Variants in MRPL1 observed in about 807,000 individuals in gnomAD.
MRPL1 encodes the protein large ribosomal subunit protein uL1m.
In MRPL1, 28 loss-of-function variants were observed where a neutral mutation model predicts 38.0. The observed-to-expected ratio is 0.74, with a 90% CI of 0.55 to 1.01. The LOEUF is 1.01. Ranked by LOEUF, MRPL1 falls within the 50% of genes least tolerant of loss-of-function variation. The pLI is 0.00. For missense variants in MRPL1, 358 were observed against 389.8 expected (o/e 0.92, Z 0.69); for synonymous variants, 123 against 126.7 (o/e 0.97, Z 0.20).
chr4:77,907,669 A>T (rs1045048707), intron 6 of MRPL1, among the ~76,000 whole-genome samples: 1 of 151,644 alleles, frequency 6.6e-6, no homozygotes, highest in Non-Finnish European at 1.5e-5. Context: ...GGTTCAAGTG[A>T]TCCTCCTGCC....
chr4:77,891,908 A>G (rs1420594991), intron 5 of MRPL1, among the ~76,000 whole-genome samples: 3 of 152,198 alleles, frequency 2.0e-5, no homozygotes, highest in African/African-American at 7.2e-5. Flanking sequence ...CCATCTGTGT[A>G]AGGCATCATA....
At chr4:77,877,321 G>A (rs1735420642) in intron 2 of MRPL1, among the ~76,000 whole-genome samples, 1 of 152,144 alleles carries the variant, frequency 6.6e-6, no homozygotes, top group Non-Finnish European at 1.5e-5. Context: ...TCAGAGCATT[G>A]AGTCAATCTT....
chr4:77,942,256 T>G (rs148029182), intron 7 of MRPL1, among the ~76,000 whole-genome samples: 49 of 152,292 alleles, frequency 3.2e-4, no homozygotes, highest in African/African-American at 1.1e-3. Context: ...TTTCTTAAAT[T>G]TATTGAGACT....
Position 77,949,777 on chromosome 4 carries a change from T to C in MRPL1, c.778-20T>C, listed in dbSNP as rs914149566. On this transcript the variant is annotated intron_variant, in intron 7 of 8. Coordinates refer to ENST00000315567, the MANE Select transcript of MRPL1 (RefSeq NM_020236.4). The stretch of plus-strand genomic sequence containing the variant: ...TCTTGCTTTCTCATCATTAATGTTA[T>C]GTATATTATTTTCTTTCAGTTGGAT... The C allele has an allele frequency of 2.8e-6, 4 of 1,435,596 alleles. No homozygotes were observed. Among genetic ancestry groups the C allele is most frequent in the Non-Finnish European group, 3.9e-6 (4 of 1,022,570 alleles). The allele number at this position is 1,435,596 out of a possible 1,614,324, so 88.9% of individuals were successfully genotyped here. A position where few individuals can be genotyped will look rare whatever the true frequency, so the allele number is the denominator to read the frequency against.
chr4:77,929,042 C>T (rs1301906964), intron 7 of MRPL1, among the ~76,000 whole-genome samples: 2 of 152,156 alleles, frequency 1.3e-5, no homozygotes, highest in Admixed American at 6.5e-5. Flanking sequence ...ATAAATGTTG[C>T]ATAATGTGTA....
intron 6 of MRPL1, among the ~76,000 whole-genome samples, chr4:77,895,357 G>A (rs1735888427): frequency 6.6e-6 from 1 of 152,062 alleles, no homozygotes; most frequent in Admixed American, 6.5e-5. Context: ...TGGGAATGGA[G>A]AGGTTGAGGG....
chr4:77,909,452 A>T, intron 7 of MRPL1, 80 bp downstream of exon 7: 1 of 893,138 alleles, frequency 1.1e-6, no homozygotes, highest in Non-Finnish European at 1.7e-6. Flanking sequence ...ATATTATAAA[A>T]TGCCAGTCAT....
intron 7 of MRPL1, among the ~76,000 whole-genome samples, chr4:77,928,185 A>G (rs1390063384): frequency 6.6e-6 from 1 of 152,236 alleles, no homozygotes; most frequent in Non-Finnish European, 1.5e-5. Context: ...AGTTCAGGAC[A>G]AGGGACTATA....
chr4:77,907,450 T>C (rs983129709), intron 6 of MRPL1, among the ~76,000 whole-genome samples: 3 of 151,998 alleles, frequency 2.0e-5, no homozygotes, highest in Non-Finnish European at 4.4e-5. Context: ...CAGTTTTTAA[T>C]TATTTTCTCA....
chr4:77,903,093 A>C (rs1278000538), intron 6 of MRPL1, among the ~76,000 whole-genome samples: 1 of 152,216 alleles, frequency 6.6e-6, no homozygotes, highest in East Asian at 1.9e-4. Flanking sequence ...GACGCAAAAA[A>C]TACTGTTAAC....
chr4:77,871,982 A>G lies in MRPL1; in HGVS notation c.143+127A>G. The G allele has an allele frequency of 7.6e-6, 5 of 654,554 alleles. No individual in the cohort carries two copies. In the South Asian group the frequency reaches 9.4e-5, roughly 12 times the overall value. The allele number at this position is 654,554 out of a possible 1,614,324, so 40.5% of individuals were successfully genotyped here. A position where few individuals can be genotyped will look rare whatever the true frequency, so the allele number is the denominator to read the frequency against. Reference sequence around the variant, plus strand: ...AAAGTTTATTATTTCTGCTTCATCGACCTTATAGTCCTGAAGGAAAGATAA... The same window carrying G: ...AAAGTTTATTATTTCTGCTTCATCGGCCTTATAGTCCTGAAGGAAAGATAA... On this transcript the variant is annotated intron_variant, in intron 2 of 8. Coordinates refer to ENST00000315567, the MANE Select transcript of MRPL1 (RefSeq NM_020236.4).
chr4:77,889,726 G>C lies in MRPL1; in HGVS notation c.558+2435G>C, dbSNP rs201281443. On this transcript the variant is annotated intron_variant, in intron 5 of 8. Coordinates refer to ENST00000315567, the MANE Select transcript of MRPL1 (RefSeq NM_020236.4). ...TTTGAAGAGATCAACAAAATTGATAGATCGCTAACAAGACTAATACACAAG... is the reference window on the plus strand; with the variant it reads ...TTTGAAGAGATCAACAAAATTGATACATCGCTAACAAGACTAATACACAAG... Among the ~76,000 whole-genome samples the C allele has an allele frequency of 8.5e-5, 13 of 152,290 alleles. No individual in the cohort carries two copies. The East Asian group carries it at 1.9e-3, about 23-fold the overall frequency.
chr4:77,898,843 A>G lies in MRPL1; in HGVS notation c.670+4593A>G, dbSNP rs142906422. Among the ~76,000 whole-genome samples, 18 of 151,962 alleles carry G rather than the reference A, an allele frequency of 1.2e-4. No homozygotes were observed. The East Asian group carries it at 3.3e-3, about 28-fold the overall frequency. On this transcript the variant is annotated intron_variant, in intron 6 of 8. Transcript: ENST00000315567. Reference sequence around the variant, plus strand: ...TTTTTTTATCAGAATAATTGTATTTATAGTAGTTGAGTATCTACTATGTGC... The same window carrying G: ...TTTTTTTATCAGAATAATTGTATTTGTAGTAGTTGAGTATCTACTATGTGC...
intron 6 of MRPL1, among the ~76,000 whole-genome samples, chr4:77,904,717 A>G (rs1205227440): frequency 6.6e-6 from 1 of 152,226 alleles, no homozygotes; most frequent in Non-Finnish European, 1.5e-5. Context: ...AAATGGACCT[A>G]AACTTATATG....
chr4:77,938,692 G>A (rs1737047667), intron 7 of MRPL1, among the ~76,000 whole-genome samples: 1 of 152,162 alleles, frequency 6.6e-6, no homozygotes, highest in East Asian at 1.9e-4. Flanking sequence ...TGGCCCCACA[G>A]CCCTCAGTCT....
intron 7 of MRPL1, among the ~76,000 whole-genome samples, chr4:77,927,092 A>G (rs1736730739): frequency 6.6e-6 from 1 of 151,366 alleles, no homozygotes; most frequent in African/African-American, 2.4e-5. Flanking sequence ...TTGGTCATCT[A>G]CTTACATGTC....
At chr4:77,949,914 C>G in intron 8 of MRPL1, 36 bp downstream of exon 8, 1 of 1,258,912 alleles carries the variant, frequency 7.9e-7, no homozygotes, top group African/African-American at 1.5e-5. Flanking sequence ...TCCCTATGAC[C>G]CTGTGAAACT....
Position 77,883,297 on chromosome 4 carries a change from G to T in MRPL1, c.199G>T (p.Asp67Tyr). 6.3e-7 allele frequency: 1 copy of T among 1,599,992 alleles called. No homozygotes were observed. The highest frequency in any genetic ancestry group is 8.5e-7 in the Non-Finnish European group (1 of 1,175,728). ...AGAAAAAACACCAGATGAGAAAAAA[G>T]ATGAAATAGAAAAAATAAAAGCATA... ...AKEKTPDEKK[D>Y]EIEKIKAYPY... The change falls in exon 3 of 9, where the codon GAT becomes TAT. Residue 67 changes from aspartate to tyrosine, a missense_variant. By Grantham distance (160) the Asp-to-Tyr change is radical (BLOSUM62 -3). Coordinates refer to ENST00000315567, the MANE Select transcript of MRPL1 (RefSeq NM_020236.4).
rs1196667437 is a variant in MRPL1 at position 77,862,853 on chromosome 4, C to T, written c.5C>T (p.Ala2Val). ...ACGCAATCCGGAGTGCCCAACATGGCGGCGGCCGTAAGGTGCATGGGTAGA... is the reference window on the plus strand; with the variant it reads ...ACGCAATCCGGAGTGCCCAACATGGTGGCGGCCGTAAGGTGCATGGGTAGA... M[A>V]AAVRCMGRAL... The change falls in exon 1 of 9, where the codon GCG (alanine) becomes GTG (valine). Residue 2 changes from alanine to valine, a missense_variant. Coordinates refer to ENST00000315567, the MANE Select transcript of MRPL1 (RefSeq NM_020236.4). 2 of 1,613,940 alleles carry T rather than the reference C, an allele frequency of 1.2e-6. No individual in the cohort carries two copies. The highest frequency in any genetic ancestry group is 4.5e-5 in the East Asian group (2 of 44,884).
Sources: allele counts gnomAD v4.1 joint callset (sites outside exome capture counted in the v4.1 genomes callset), GRCh38; gene constraint gnomAD v4.1.1; transcripts MANE v1.5; gene names NCBI Gene and HGNC (gene_info 2026-07-23, HGNC 2026-07-21).